The following RHOU variants were observed in gnomAD, a reference collection of about 807,000 sequenced individuals.
The protein encoded by RHOU is rho-related GTP-binding protein RhoU.
A neutral mutation model predicts 12.6 loss-of-function variants in RHOU; 8 were observed. The ratio of observed to expected loss-of-function variants is 0.64; its 90% CI spans 0.37 to 1.15. RHOU has a LOEUF of 1.15. RHOU is among the 50% of genes most tolerant of loss of function. The pLI, the probability that RHOU is intolerant of heterozygous loss-of-function variation, is 0.01. For missense variants in RHOU, 258 were observed against 347.0 expected (o/e 0.74, Z 2.04); for synonymous variants, 161 against 147.4 (o/e 1.09, Z -0.67).
chr1:228,710,788 A>G, the RHOU span, among the ~76,000 whole-genome samples: 1 of 152,040 alleles, frequency 6.6e-6, no homozygotes, highest in Non-Finnish European at 1.5e-5. Context: ...CCTATTCAAC[A>G]TAGTGTTGGA....
the RHOU span, among the ~76,000 whole-genome samples, chr1:228,656,317 C>A: frequency 6.6e-6 from 1 of 152,174 alleles, no homozygotes; most frequent in Non-Finnish European, 1.5e-5. Context: ...CCACACCTGG[C>A]TAATTTCATT....
chr1:228,736,989 A>G (rs542949327), intron 1 of RHOU, among the ~76,000 whole-genome samples: 3 of 139,724 alleles, frequency 2.1e-5, no homozygotes, highest in Non-Finnish European at 4.6e-5. Context: ...AAACAATTAG[A>G]AAGTTGTGTA....
chr1:228,695,936 C>A, the RHOU span, among the ~76,000 whole-genome samples: 1 of 152,204 alleles, frequency 6.6e-6, no homozygotes, highest in Non-Finnish European at 1.5e-5. Flanking sequence ...GGTGACCAGT[C>A]CTGAAGCTGC....
At chr1:228,675,215 T>G in the RHOU span, among the ~76,000 whole-genome samples, 1 of 152,222 alleles carries the variant, frequency 6.6e-6, no homozygotes, top group African/African-American at 2.4e-5. Context: ...CTGCAGTGTC[T>G]CCTATCACAG....
chr1:228,737,573 AG>A lies in RHOU; in HGVS notation c.263-96del. ...ATTAGAGGACCTAAAATAGGAGCAA[AG>A]GGGTTTGGAGTGAGAATGATAGTGA... On this transcript the variant is annotated intron_variant, in intron 1 of 2. Transcript: ENST00000366691. The surrounding 1 kb of genome is among the most constrained non-coding windows in gnomAD (Gnocchi z 4.1). 8.7e-7 allele frequency: 1 copy of A among 1,155,750 alleles called. No individual in the cohort carries two copies. The allele number at this position is 1,155,750 out of a possible 1,614,324, so 71.6% of individuals were successfully genotyped here. A position where few individuals can be genotyped will look rare whatever the true frequency, so the allele number is the denominator to read the frequency against.
chr1:228,736,864 C>T (rs908139495), intron 1 of RHOU, among the ~76,000 whole-genome samples: 4 of 152,208 alleles, frequency 2.6e-5, no homozygotes, highest in Admixed American at 2.6e-4. Context: ...ACCTTCCTTT[C>T]ATCCCAAAGG....
chr1:228,703,686 G>A, the RHOU span, among the ~76,000 whole-genome samples: 4 of 152,170 alleles, frequency 2.6e-5, no homozygotes, highest in Non-Finnish European at 5.9e-5. Context: ...AGCAATTAAA[G>A]CATTCTCTAT....
the RHOU span, among the ~76,000 whole-genome samples, chr1:228,729,050 C>G: frequency 6.6e-6 from 1 of 152,100 alleles, no homozygotes; most frequent in Non-Finnish European, 1.5e-5. Context: ...TATGCACCAC[C>G]ACGCTGGGCT....
the RHOU span, among the ~76,000 whole-genome samples, chr1:228,721,710 G>A: frequency 6.6e-6 from 1 of 152,248 alleles, no homozygotes; most frequent in Admixed American, 6.5e-5. Context: ...GCCCAAGCTG[G>A]AGGGCAATGG....
chr1:228,646,740 A>C, the RHOU span, among the ~76,000 whole-genome samples: 1 of 151,834 alleles, frequency 6.6e-6, no homozygotes. Flanking sequence ...ACTCCCCCAC[A>C]CACAGACACA....
the RHOU span, chr1:228,650,207 A>G: frequency 4.4e-6 from 2 of 456,898 alleles, no homozygotes; most frequent in South Asian, 3.1e-5. Context: ...TGGGTCGCCC[A>G]TGGGGACCCT....
chr1:228,653,282 A>G, the RHOU span, among the ~76,000 whole-genome samples: 1 of 151,976 alleles, frequency 6.6e-6, no homozygotes. Flanking sequence ...CAGCCTTATG[A>G]ATAGCTGGGA....
At chr1:228,698,947 T>G in the RHOU span, among the ~76,000 whole-genome samples, 1 of 152,026 alleles carries the variant, frequency 6.6e-6, no homozygotes, top group Non-Finnish European at 1.5e-5. Flanking sequence ...GAGATAAGAG[T>G]GTCTTGATAG....
the RHOU span, among the ~76,000 whole-genome samples, chr1:228,688,836 C>T: frequency 6.6e-6 from 1 of 152,168 alleles, no homozygotes; most frequent in Non-Finnish European, 1.5e-5. Flanking sequence ...TCACTGTGGT[C>T]CTTGCAGGTC....
At chr1:228,680,528 G>C in the RHOU span, among the ~76,000 whole-genome samples, 1 of 152,204 alleles carries the variant, frequency 6.6e-6, no homozygotes, top group African/African-American at 2.4e-5. Context: ...CTGTAACTCA[G>C]AAATGCGTTG....
At position 228,735,677 on chromosome 1, in the gene RHOU, C is replaced by T. The variant is rs1662587580; in HGVS notation, c.-66C>T. 2.6e-6 allele frequency: 3 copies of T among 1,162,754 alleles called. No homozygotes were observed. Among genetic ancestry groups the T allele is most frequent in the South Asian group, 4.3e-5 (1 of 23,098 alleles). The allele number at this position is 1,162,754 out of a possible 1,614,324, so 72.0% of individuals were successfully genotyped here. ...ACAGCTCCTCCCTACCGCAACCCTC[C>T]GGGGCGGAGGGGCGGTCGGGCCGGG... On this transcript the variant is annotated 5_prime_UTR_variant, in exon 1 of 3. Transcript: ENST00000366691. This position sits in a 1 kb window ranked among gnomAD's most constrained non-coding sequence, Gnocchi z 8.1.
chr1:228,728,426 G>A, the RHOU span, among the ~76,000 whole-genome samples: 3,228 of 152,244 alleles, frequency 0.021, 128 homozygotes, highest in African/African-American at 0.074. Flanking sequence ...TAGCCATGGT[G>A]GAAGATGATA....
chr1:228,696,740 G>T, the RHOU span, among the ~76,000 whole-genome samples: 1 of 151,920 alleles, frequency 6.6e-6, no homozygotes, highest in Non-Finnish European at 1.5e-5. Flanking sequence ...TAGAGGTGGG[G>T]TTTCACTGTG....
chr1:228,668,542 G>A, the RHOU span, among the ~76,000 whole-genome samples: 1 of 152,104 alleles, frequency 6.6e-6, no homozygotes, highest in Admixed American at 6.6e-5. Flanking sequence ...GTCGGTGAGG[G>A]CAAACCACCA....
Sources: allele counts gnomAD v4.1 joint callset (sites outside exome capture counted in the v4.1 genomes callset), GRCh38; gene constraint gnomAD v4.1.1; non-coding constraint Gnocchi (gnomAD v3.1); transcripts MANE v1.5; gene names NCBI Gene and HGNC (gene_info 2026-07-23, HGNC 2026-07-21).